Variants in OR10H5 observed in about 807,000 individuals in gnomAD.
OR10H5 encodes olfactory receptor family 10 subfamily H member 5.
A neutral mutation model predicts 12.2 loss-of-function variants in OR10H5; 7 were observed. The observed-to-expected ratio is 0.57, with a 90% CI of 0.33 to 1.07. The LOEUF is 1.07. Among genes scored for constraint, OR10H5 ranks in the 50% least tolerant of loss-of-function variants. The pLI is 0.04. For missense variants in OR10H5, 346 were observed against 411.6 expected, an observed-to-expected ratio of 0.84 and a Z score of 1.38; for synonymous variants, 159 against 175.1, an observed-to-expected ratio of 0.91 and a Z score of 0.73.
intron 1 of OR10H5, among the ~76,000 whole-genome samples, chr19:15,792,064 A>G (rs1035442396): frequency 3.9e-5 from 6 of 152,044 alleles, no homozygotes; most frequent in African/African-American, 1.2e-4. Context: ...TTTTTTGAAA[A>G]TATGCAATAA....
chr19:15,792,308 C>T (rs946809125), intron 1 of OR10H5, among the ~76,000 whole-genome samples: 4 of 151,996 alleles, frequency 2.6e-5, no homozygotes, highest in African/African-American at 9.7e-5. Flanking sequence ...TATTTATGTT[C>T]TAAATATATA....
At position 15,794,490 on chromosome 19, in the gene OR10H5, T is replaced by A. The variant is rs1435669470; in HGVS notation, c.442T>A (p.Ser148Thr). The A allele has an allele frequency of 6.2e-7, 1 of 1,614,230 alleles. No homozygotes were observed. Among genetic ancestry groups the A allele is most frequent in the South Asian group, 1.1e-5 (1 of 91,086 alleles). The change falls in exon 2 of 2, where the codon TCC becomes ACC. Residue 148 changes from serine to threonine, a missense_variant. Transcript: ENST00000642092. The part of the protein sequence containing the change: ...LRGCTCRVGC[S>T]WAGGLVMGMV... ...GGGCTGCACCTGCCGGGTGGGCTGCTCCTGGGCTGGTGGCTTGGTCATGGG... is the reference window on the plus strand; with the variant it reads ...GGGCTGCACCTGCCGGGTGGGCTGCACCTGGGCTGGTGGCTTGGTCATGGG...
chr19:15,792,077 T>C (rs900047201), intron 1 of OR10H5, among the ~76,000 whole-genome samples: 3 of 152,122 alleles, frequency 2.0e-5, no homozygotes, highest in Non-Finnish European at 4.4e-5. Context: ...TGCAATAAGT[T>C]ACAATTAGCC....
rs2088839383 is a variant in OR10H5, at chr19:15,796,225, G to A, written c.*1229G>A. ...ACACATTTCTCAGGGCCTGTGAAGA[G>A]GGGAAGTCAGTCTGTTCCAGAAAGG... On this transcript the variant is annotated 3_prime_UTR_variant, in exon 2 of 2. Transcript: ENST00000642092. The A allele has an allele frequency of 2.0e-5, 3 of 152,292 alleles. No individual in the cohort carries two copies. The highest frequency in any genetic ancestry group is 2.0e-4 in the Admixed American group (3 of 15,280). 9.4% of individuals were successfully genotyped at this position (152,292 alleles called of 1,614,324 possible).
At position 15,794,409 on chromosome 19, in the gene OR10H5, G is replaced by A. The variant is rs374711629; in HGVS notation, c.361G>A (p.Asp121Asn). 49 of 1,614,070 alleles carry A rather than the reference G, an allele frequency of 3.0e-5. No homozygotes were observed. The African/African-American group carries it at 3.3e-4, about 11-fold the overall frequency. Residue 121 changes from aspartate (D) to asparagine (N), a missense_variant, in exon 2 of 2, where the codon GAC becomes AAC. Transcript: ENST00000642092. ...HSFLLTVMGY[D>N]RYVAICHPLR... ...CTTCCTGCTCACTGTCATGGGCTAC[G>A]ACCGCTACGTGGCCATCTGCCACCC...
At chr19:15,792,438 C>T (rs2088813671) in intron 1 of OR10H5, among the ~76,000 whole-genome samples, 1 of 152,044 alleles carries the variant, frequency 6.6e-6, no homozygotes, top group Non-Finnish European at 1.5e-5. Flanking sequence ...TCTGACCATC[C>T]ATGCCGGCCC....
rs1301424362 is a variant in OR10H5 at position 15,799,936 on chromosome 19, T to A, written c.*4940T>A. On this transcript the variant is annotated 3_prime_UTR_variant, in exon 2 of 2. Transcript: ENST00000642092. Reference sequence around the variant, plus strand: ...CCAGGATGGTTTCAAACTCCTGGCCTCAAGTGACCTGCCCACCTTGGCCTC... The same window carrying A: ...CCAGGATGGTTTCAAACTCCTGGCCACAAGTGACCTGCCCACCTTGGCCTC... 6.6e-6 allele frequency: 1 copy of A among 152,138 alleles called. No individual in the cohort carries two copies. The highest frequency in any genetic ancestry group is 1.9e-4 in the East Asian group (1 of 5,186). The allele number at this position is 152,138 out of a possible 1,614,324, so 9.4% of individuals were successfully genotyped here.
At chr19:15,791,214 C>T (rs993870306) in intron 1 of OR10H5, among the ~76,000 whole-genome samples, 3 of 151,882 alleles carry the variant, frequency 2.0e-5, no homozygotes, top group Non-Finnish European at 2.9e-5. Context: ...GGTGTGGTGG[C>T]GGGCACCTGT....
Position 15,799,122 on chromosome 19 carries a change from A to G in OR10H5, c.*4126A>G, listed in dbSNP as rs1468833163. On this transcript the variant is annotated 3_prime_UTR_variant, in exon 2 of 2. Transcript: ENST00000642092. The stretch of plus-strand genomic sequence containing the variant: ...TCTACTTAAACCTTCTGTTTCTCTT[A>G]GGATACAGTATAGACTCTAGTGTGA... 2 of 152,178 alleles carry G rather than the reference A, an allele frequency of 1.3e-5. No homozygotes were observed. Among genetic ancestry groups the G allele is most frequent in the African/African-American group, 2.4e-5 (1 of 41,440 alleles). 9.4% of individuals were successfully genotyped at this position (152,178 alleles called of 1,614,324 possible).
intron 1 of OR10H5, among the ~76,000 whole-genome samples, chr19:15,792,736 G>C (rs561129784): frequency 6.6e-6 from 1 of 152,158 alleles, no homozygotes; most frequent in Non-Finnish European, 1.5e-5. Flanking sequence ...AAAGTGCTGG[G>C]ATTACAGGAG....
At position 15,794,252 on chromosome 19, in the gene OR10H5, C is replaced by T. The variant is rs2088825007; in HGVS notation, c.204C>T (p.Ile68=). Residue 68 remains isoleucine, a synonymous_variant, in exon 2 of 2, where the codon ATC becomes ATT. Coordinates refer to ENST00000642092, the MANE Select transcript of OR10H5 (RefSeq NM_001004466.2). ...ACCTCTTCCTGTGTGCCCTCTCCAT[C>T]ACCGAGATCCTCTACACCGTGGCCA... ...PMYLFLCALS[I]TEILYTVAII... The T allele has an allele frequency of 6.2e-7, 1 of 1,613,862 alleles. No individual in the cohort carries two copies. Among genetic ancestry groups the T allele is most frequent in the African/African-American group, 1.3e-5 (1 of 74,858 alleles).
In OR10H5 at chr19:15,795,972, G is replaced by A. The variant is rs993835226; in HGVS notation, c.*976G>A. 1 of 151,838 alleles carries A rather than the reference G, an allele frequency of 6.6e-6. No individual in the cohort carries two copies. The highest frequency in any genetic ancestry group is 1.5e-5 in the Non-Finnish European group (1 of 67,998). 9.4% of individuals were successfully genotyped at this position (151,838 alleles called of 1,614,324 possible). A position where few individuals can be genotyped will look rare whatever the true frequency, so the allele number is the denominator to read the frequency against. ...ATTTTTTGTAGCGACAGGATCTCAC[G>A]ATGTTGCCCAGGCTAGTCTTGAACT... On this transcript the variant is annotated 3_prime_UTR_variant, in exon 2 of 2. Coordinates refer to ENST00000642092, the MANE Select transcript of OR10H5 (RefSeq NM_001004466.2).
rs746677353 is a variant in OR10H5 at position 15,794,448 on chromosome 19, G to A, written c.400G>A (p.Val134Met). 1.1e-5 allele frequency: 17 copies of A among 1,614,106 alleles called. No homozygotes were observed. The highest frequency in any genetic ancestry group is 7.7e-5 in the South Asian group (7 of 91,090). Reference sequence around the variant, plus strand: ...CATCTGCCACCCCCTGCGTTACAACGTGCTCATGAGCCTGCGGGGCTGCAC... The same window carrying A: ...CATCTGCCACCCCCTGCGTTACAACATGCTCATGAGCCTGCGGGGCTGCAC... ...VAICHPLRYN[V>M]LMSLRGCTCR... The change falls in exon 2 of 2, where the codon GTG (valine) becomes ATG (methionine). Residue 134 changes from valine (V) to methionine (M), a missense_variant. Transcript: ENST00000642092.
rs397859869 is a variant in OR10H5, at chr19:15,791,699, T to A, written c.-11-2339T>A. On this transcript the variant is annotated intron_variant, in intron 1 of 1. Transcript: ENST00000642092. The stretch of plus-strand genomic sequence containing the variant: ...TTGTTTGCATGAATTATTATTATTT[T>A]TTTTTTTTTTTGAGACGGAGTCTCG... 2.4e-3 allele frequency among the ~76,000 whole-genome samples: 364 copies of A among 151,078 alleles called. 2 individuals are homozygous for A. The highest frequency in any genetic ancestry group is 6.0e-3 in the East Asian group (31 of 5,162).
intron 1 of OR10H5, among the ~76,000 whole-genome samples, chr19:15,788,489 C>T (rs1203456956): frequency 6.6e-6 from 1 of 152,028 alleles, no homozygotes; most frequent in Non-Finnish European, 1.5e-5. Flanking sequence ...AGAATAATCT[C>T]ATTTTTATTT....
rs2088857312 is a variant in OR10H5 at position 15,799,582 on chromosome 19, A to T, written c.*4586A>T. On this transcript the variant is annotated 3_prime_UTR_variant, in exon 2 of 2. Transcript: ENST00000642092. ...GTGTTAGTATCTCACACACAATTCCACTCCAAATACATCCCTGATGCTGAT... is the reference window on the plus strand; with the variant it reads ...GTGTTAGTATCTCACACACAATTCCTCTCCAAATACATCCCTGATGCTGAT... The T allele has an allele frequency of 6.6e-6, 1 of 151,938 alleles. No homozygotes were observed. Among genetic ancestry groups the T allele is most frequent in the Non-Finnish European group, 1.5e-5 (1 of 68,012 alleles). 9.4% of individuals were successfully genotyped at this position (151,938 alleles called of 1,614,324 possible).
At position 15,794,026 on chromosome 19, in the gene OR10H5, T is replaced by G. The variant is rs769585242; in HGVS notation, c.-11-12T>G. 4.4e-6 allele frequency: 7 copies of G among 1,593,714 alleles called. No homozygotes were observed. The highest frequency in any genetic ancestry group is 2.7e-5 in the African/African-American group (2 of 74,852). On this transcript the variant is annotated splice_polypyrimidine_tract_variant and intron_variant, in intron 1 of 1. Coordinates refer to ENST00000642092, the MANE Select transcript of OR10H5 (RefSeq NM_001004466.2). ...TAACCACTGGGTCTTCTTTCCTCTC[T>G]CCACCAACTAGGGGTGGCCGCCATG...
rs1568450592 is a variant in OR10H5, at chr19:15,798,913, C to T, written c.*3917C>T. ...CTGGGATTGCAGGCACATGCCACCA[C>T]ACCCAACTATTTTTTGTATTTTTAG... On this transcript the variant is annotated 3_prime_UTR_variant, in exon 2 of 2. Coordinates refer to ENST00000642092, the MANE Select transcript of OR10H5 (RefSeq NM_001004466.2). The T allele has an allele frequency of 1.3e-5, 2 of 152,082 alleles. No homozygotes were observed. Among genetic ancestry groups the T allele is most frequent in the Non-Finnish European group, 2.9e-5 (2 of 68,020 alleles). 9.4% of individuals were successfully genotyped at this position (152,082 alleles called of 1,614,324 possible).
chr19:15,794,086 T>G lies in OR10H5; in HGVS notation c.38T>G (p.Ile13Ser). ...GLNHTSVSEF[I>S]LVGFSAFPHL... Reference sequence around the variant, plus strand: ...AACCACACCTCCGTGTCTGAATTCATCCTCGTTGGCTTCTCTGCCTTCCCC... The same window carrying G: ...AACCACACCTCCGTGTCTGAATTCAGCCTCGTTGGCTTCTCTGCCTTCCCC... Residue 13 changes from isoleucine to serine, a missense_variant, in exon 2 of 2, where the codon ATC becomes AGC. By Grantham distance (142) the Ile-to-Ser change is moderately radical (BLOSUM62 -2). Transcript: ENST00000642092. The G allele has an allele frequency of 6.2e-7, 1 of 1,613,958 alleles. No homozygotes were observed. The highest frequency in any genetic ancestry group is 8.5e-7 in the Non-Finnish European group (1 of 1,179,954).
Sources: allele counts gnomAD v4.1 joint callset (sites outside exome capture counted in the v4.1 genomes callset), GRCh38; gene constraint gnomAD v4.1.1; transcripts MANE v1.5; gene names NCBI Gene and HGNC (gene_info 2026-07-23, HGNC 2026-07-21).